HDAC9: variants seen among roughly 807,000 people sequenced by gnomAD.
HDAC9 encodes histone deacetylase 9.
Under a neutral mutation model 139.4 loss-of-function variants are expected in HDAC9, and 41 were observed. The observed-to-expected ratio is 0.29, with a 90% CI of 0.23 to 0.38. The LOEUF (loss-of-function observed/expected upper bound fraction) is 0.38. HDAC9 is among the 10% of genes least tolerant of loss of function. HDAC9 has a pLI of 1.00. For missense variants in HDAC9, 1,147 were observed against 1,297.0 expected (o/e 0.88, Z 1.78); for synonymous variants, 517 against 476.2 (o/e 1.09, Z -1.12).
At chr7:18,700,195 A>G (rs1179041230) in intron 12 of HDAC9, among the ~76,000 whole-genome samples, 2 of 152,170 alleles carry the variant, frequency 1.3e-5, no homozygotes, top group Non-Finnish European at 1.5e-5. Flanking sequence ...CTAGATTTGG[A>G]TGTTTCCTCT....
intron 1 of HDAC9, among the ~76,000 whole-genome samples, chr7:18,102,937 A>G (rs1238572133): frequency 6.6e-6 from 1 of 152,182 alleles, no homozygotes; most frequent in Admixed American, 6.5e-5. Context: ...CAAGATTTTT[A>G]AAGAAGGCCT....
chr7:18,679,494 TTTC>T (rs1020799311), intron 12 of HDAC9, among the ~76,000 whole-genome samples: 13 of 151,728 alleles, frequency 8.6e-5, no homozygotes, highest in African/African-American at 2.9e-4. Flanking sequence ...CTCCCTTTCT[TTTC>T]TTTTCTTTCT....
upstream of HDAC9, among the ~76,000 whole-genome samples, chr7:18,495,512 A>G (rs1305309542): frequency 2.0e-5 from 3 of 152,202 alleles, no homozygotes; most frequent in East Asian, 5.8e-4. Context: ...ATTGGTTTTA[A>G]GGCCCTGCGA....
chr7:18,739,745 T>C (rs1180207955), intron 13 of HDAC9, among the ~76,000 whole-genome samples: 1 of 152,212 alleles, frequency 6.6e-6, no homozygotes, highest in East Asian at 1.9e-4. Context: ...GAGGAGGCAG[T>C]CTGTCCATTC....
intron 2 of HDAC9, among the ~76,000 whole-genome samples, chr7:18,204,448 G>A (rs1791355675): frequency 1.3e-5 from 2 of 151,410 alleles, no homozygotes; most frequent in Admixed American, 6.6e-5. Context: ...TTAACAAATG[G>A]CTTTTCAAGT....
chr7:18,107,324 G>A (rs1783287535), intron 1 of HDAC9, among the ~76,000 whole-genome samples: 1 of 152,120 alleles, frequency 6.6e-6, no homozygotes, highest in South Asian at 2.1e-4. Context: ...CTAAATTCCA[G>A]TAATTCTCCA....
rs1415773160 is a variant in HDAC9, at chr7:18,422,742, G to GCACACACA, written c.-41-73519_-41-73518insACACACAC. ...GTCATTAGCTTTAAGACACACACAC[G>GCACACACA]CGCACACACACACACACACACACAC... On this transcript the variant is annotated intron_variant, in intron 1 of 3. Coordinates refer to the HDAC9 transcript ENST00000413509. Among the ~76,000 whole-genome samples the GCACACACA allele has an allele frequency of 1.6e-3, 224 of 136,198 alleles. 1 individual carries two copies. The highest frequency in any genetic ancestry group is 5.8e-3 in the African/African-American group (195 of 33,650). The allele number at this position is 136,198 out of a possible 152,430, so 89.4% of individuals were successfully genotyped here.
intron 1 of HDAC9, among the ~76,000 whole-genome samples, chr7:18,395,535 CAAA>C (rs11305774): frequency 6.4e-5 from 8 of 124,326 alleles, no homozygotes; most frequent in Non-Finnish European, 8.6e-5. Flanking sequence ...CCTAAGGCTT[CAAA>C]AAAAAAAAAA....
intron 2 of HDAC9, among the ~76,000 whole-genome samples, chr7:18,537,017 C>T (rs549718446): frequency 1.2e-4 from 18 of 152,290 alleles, no homozygotes; most frequent in Middle Eastern, 3.4e-3. Context: ...CACATTTCCA[C>T]GTTCTCCTGA....
chr7:18,549,121 C>T (rs926424344), intron 2 of HDAC9, among the ~76,000 whole-genome samples: 6 of 152,024 alleles, frequency 3.9e-5, no homozygotes, highest in Non-Finnish European at 7.4e-5. Flanking sequence ...GCCTGTAGTC[C>T]CAGCTACTCA....
intron 6 of HDAC9, among the ~76,000 whole-genome samples, chr7:18,622,346 G>C (rs1255038678): frequency 1.3e-5 from 2 of 151,938 alleles, no homozygotes; most frequent in Non-Finnish European, 2.9e-5. Context: ...TATTTAGAGA[G>C]GGAGTCTCGC....
intron 16 of HDAC9, among the ~76,000 whole-genome samples, chr7:18,782,118 G>A (rs1390846998): frequency 6.6e-6 from 1 of 152,012 alleles, no homozygotes; most frequent in East Asian, 1.9e-4. Flanking sequence ...AATGCCCTGT[G>A]GCCCTAGCGT....
intron 13 of HDAC9, among the ~76,000 whole-genome samples, chr7:18,735,950 A>T (rs1786850888): frequency 6.6e-6 from 1 of 152,140 alleles, no homozygotes; most frequent in Non-Finnish European, 1.5e-5. Flanking sequence ...GGTGTTTCAC[A>T]TCCCTTGTAA....
chr7:18,468,492 A>G (rs1050098762), intron 1 of HDAC9, among the ~76,000 whole-genome samples: 5 of 151,790 alleles, frequency 3.3e-5, no homozygotes, highest in African/African-American at 1.2e-4. Context: ...TGCAGTGGCT[A>G]TTCATTCACA....
intron 2 of HDAC9, among the ~76,000 whole-genome samples, chr7:18,263,026 A>G (rs888733898): frequency 6.6e-6 from 1 of 152,224 alleles, no homozygotes; most frequent in Non-Finnish European, 1.5e-5. Context: ...TTTAATGTAA[A>G]TGTATTAAAT....
chr7:18,391,371 C>T (rs112885665), intron 1 of HDAC9, among the ~76,000 whole-genome samples: 19 of 151,332 alleles, frequency 1.3e-4, no homozygotes, highest in African/African-American at 4.4e-4. Context: ...AGCGATGGAG[C>T]GAGACGCCAT....
intron 1 of HDAC9, among the ~76,000 whole-genome samples, chr7:18,473,351 G>C (rs1406654211): frequency 6.6e-6 from 1 of 152,158 alleles, no homozygotes; most frequent in Non-Finnish European, 1.5e-5. Context: ...CAGAGGACTT[G>C]TTTTCGATTC....
intron 16 of HDAC9, among the ~76,000 whole-genome samples, chr7:18,787,670 T>C (rs1791937910): frequency 6.6e-6 from 1 of 152,238 alleles, no homozygotes; most frequent in African/African-American, 2.4e-5. Context: ...CTCACTAGCC[T>C]GTGTGTACAG....
chr7:18,690,349 G>T (rs1490601820), intron 12 of HDAC9, among the ~76,000 whole-genome samples: 3 of 151,968 alleles, frequency 2.0e-5, no homozygotes, highest in African/African-American at 7.2e-5. Flanking sequence ...TATGATAGGT[G>T]TATACGTATA....
Sources: gnomAD v4.1 joint callset for allele counts (sites outside exome capture counted in the v4.1 genomes callset) on GRCh38, gnomAD v4.1.1 for gene constraint, MANE v1.5 for transcripts, NCBI Gene and HGNC (gene_info 2026-07-23, HGNC 2026-07-21) for gene names.